Variants in LRMDA observed in about 807,000 individuals in gnomAD.
The protein encoded by LRMDA is leucine-rich melanocyte differentiation-associated protein.
LRMDA carries 18 observed loss-of-function variants against 29.8 expected under a neutral mutation model. That is an observed-to-expected ratio of 0.60 (90% CI 0.42 to 0.90). The LOEUF (loss-of-function observed/expected upper bound fraction) is 0.90. Among genes scored for constraint, LRMDA ranks in the 40% least tolerant of loss-of-function variants. The pLI is 0.00. For missense variants in LRMDA, 273 were observed against 273.9 expected (o/e 1.00, Z 0.02); for synonymous variants, 125 against 109.4 (o/e 1.14, Z -0.89).
intron 2 of LRMDA, among the ~76,000 whole-genome samples, chr10:76,012,698 A>G (rs572687137): frequency 1.3e-5 from 2 of 152,172 alleles, no homozygotes; most frequent in Non-Finnish European, 2.9e-5. Flanking sequence ...TGTGCGTGTG[A>G]CAGACACTGA....
intron 5 of LRMDA, among the ~76,000 whole-genome samples, chr10:76,118,848 T>G (rs1240374254): frequency 1.4e-5 from 2 of 142,192 alleles, no homozygotes; most frequent in Admixed American, 1.4e-4. Context: ...CACTTTTTTT[T>G]TTTTTTTTTT....
At chr10:76,446,461 T>G (rs1422531538) in intron 6 of LRMDA, among the ~76,000 whole-genome samples, 1 of 152,230 alleles carries the variant, frequency 6.6e-6, no homozygotes, top group African/African-American at 2.4e-5. Context: ...CTTGTCATTA[T>G]TCCCTAATAA....
chr10:75,793,452 T>A (rs1843601804), intron 2 of LRMDA, among the ~76,000 whole-genome samples: 1 of 152,198 alleles, frequency 6.6e-6, no homozygotes, highest in Non-Finnish European at 1.5e-5. Flanking sequence ...GGGTTATGCA[T>A]GTTTGTTGGA....
chr10:75,514,721 C>T (rs1345386998), intron 2 of LRMDA, among the ~76,000 whole-genome samples: 1 of 152,178 alleles, frequency 6.6e-6, no homozygotes, highest in Non-Finnish European at 1.5e-5. Context: ...CCTTCGCCTT[C>T]TGCTAGGAGT....
At chr10:76,141,684 G>A (rs913658012) in intron 5 of LRMDA, among the ~76,000 whole-genome samples, 3 of 151,972 alleles carry the variant, frequency 2.0e-5, no homozygotes, top group South Asian at 2.1e-4. Flanking sequence ...TCTAGATTGG[G>A]GATTATAGTC....
chr10:75,832,538 T>G (rs1354929631), intron 2 of LRMDA, among the ~76,000 whole-genome samples: 2 of 152,228 alleles, frequency 1.3e-5, no homozygotes, highest in Non-Finnish European at 1.5e-5. Context: ...TTCCAACCTC[T>G]GCCTGTTACC....
chr10:76,462,573 A>T (rs1458060144), intron 6 of LRMDA, among the ~76,000 whole-genome samples: 1 of 152,206 alleles, frequency 6.6e-6, no homozygotes, highest in Non-Finnish European at 1.5e-5. Flanking sequence ...TCCAATTCCC[A>T]TTATGAGAAG....
chr10:76,149,514 C>T (rs886520904), intron 5 of LRMDA, among the ~76,000 whole-genome samples: 3 of 152,174 alleles, frequency 2.0e-5, no homozygotes, highest in Non-Finnish European at 4.4e-5. Context: ...TCATCACATT[C>T]TTTTGGGTGT....
intron 6 of LRMDA, among the ~76,000 whole-genome samples, chr10:76,331,862 C>T (rs984835007): frequency 1.3e-5 from 2 of 152,114 alleles, no homozygotes; most frequent in Non-Finnish European, 2.9e-5. Flanking sequence ...GCTAAAGTTT[C>T]CTTTATTTAA....
chr10:75,978,660 G>A (rs1179661196), intron 2 of LRMDA, among the ~76,000 whole-genome samples: 1 of 152,200 alleles, frequency 6.6e-6, no homozygotes, highest in African/African-American at 2.4e-5. Flanking sequence ...TTTGTGACTT[G>A]AGGTTGAAGG....
At chr10:76,114,613 A>C (rs568032172) in intron 5 of LRMDA, among the ~76,000 whole-genome samples, 1 of 152,174 alleles carries the variant, frequency 6.6e-6, no homozygotes, top group Non-Finnish European at 1.5e-5. Flanking sequence ...TCGAGTTTAC[A>C]TAGGTAGGAG....
At chr10:76,411,168 C>T (rs1482057725) in intron 6 of LRMDA, among the ~76,000 whole-genome samples, 1 of 152,148 alleles carries the variant, frequency 6.6e-6, no homozygotes, top group Non-Finnish European at 1.5e-5. Context: ...AAGGAAAATG[C>T]GAGCTGATCT....
intron 2 of LRMDA, among the ~76,000 whole-genome samples, chr10:75,648,425 G>A (rs867707555): frequency 2.0e-5 from 3 of 152,074 alleles, no homozygotes; most frequent in East Asian, 1.9e-4. Context: ...TTTTTTTCCT[G>A]TGTCCTATTT....
chr10:75,836,511 A>G (rs1844439712), intron 2 of LRMDA, among the ~76,000 whole-genome samples: 1 of 152,238 alleles, frequency 6.6e-6, no homozygotes, highest in Non-Finnish European at 1.5e-5. Context: ...TATGATGATT[A>G]GAATTTGAAA....
At chr10:76,009,937 A>G (rs1847745935) in intron 2 of LRMDA, among the ~76,000 whole-genome samples, 1 of 151,778 alleles carries the variant, frequency 6.6e-6, no homozygotes, top group South Asian at 2.1e-4. Flanking sequence ...AGCCTCAAAG[A>G]GATGCCGTCA....
At chr10:75,528,808 A>C (rs1241438775) in intron 2 of LRMDA, among the ~76,000 whole-genome samples, 1 of 152,232 alleles carries the variant, frequency 6.6e-6, no homozygotes, top group African/African-American at 2.4e-5. Flanking sequence ...AGAAGAAAAC[A>C]CAAAAAACCT....
intron 2 of LRMDA, among the ~76,000 whole-genome samples, chr10:75,677,465 G>T (rs1347985845): frequency 6.6e-6 from 1 of 152,100 alleles, no homozygotes; most frequent in Non-Finnish European, 1.5e-5. Flanking sequence ...GGGATTTTCT[G>T]TTATTTCATT....
intron 2 of LRMDA, among the ~76,000 whole-genome samples, chr10:75,699,716 G>C (rs191964733): frequency 6.6e-6 from 1 of 152,252 alleles, no homozygotes; most frequent in East Asian, 1.9e-4. Context: ...ACCCCCAAAG[G>C]CATGTTGTCG....
intron 2 of LRMDA, among the ~76,000 whole-genome samples, chr10:75,563,637 T>G (rs373386708): frequency 6.6e-6 from 1 of 152,300 alleles, no homozygotes; most frequent in East Asian, 1.9e-4. Flanking sequence ...TTTACTGTTC[T>G]GTTTTTTCCC....
Sources: allele counts gnomAD v4.1 joint callset (sites outside exome capture counted in the v4.1 genomes callset), GRCh38; gene constraint gnomAD v4.1.1; transcripts MANE v1.5; gene names NCBI Gene and HGNC (gene_info 2026-07-23, HGNC 2026-07-21).